The following CSMD3 variants were observed in gnomAD, a reference collection of about 807,000 sequenced individuals.
The protein encoded by CSMD3 is CUB and sushi domain-containing protein 3.
CSMD3 carries 177 observed loss-of-function variants against 435.2 expected under a neutral mutation model. The ratio of observed to expected loss-of-function variants is 0.41; its 90% CI spans 0.36 to 0.46. The LOEUF (loss-of-function observed/expected upper bound fraction) is 0.46, where lower values mean the gene tolerates loss of function less well. Among genes scored for constraint, CSMD3 ranks in the 20% least tolerant of loss-of-function variants. CSMD3 has a pLI of 0.34. For missense variants in CSMD3, 4,265 were observed against 4,504.6 expected (o/e 0.95, Z 1.52); for synonymous variants, 1,656 against 1,520.5 (o/e 1.09, Z -2.07).
chr8:112,634,107 T>A (rs1361674512), intron 22 of CSMD3, among the ~76,000 whole-genome samples: 3 of 151,954 alleles, frequency 2.0e-5, no homozygotes, highest in African/African-American at 7.2e-5. Context: ...TGTTAGGGTA[T>A]ATGAAATAAA....
chr8:113,038,984 A>C (rs1381195533), intron 5 of CSMD3, among the ~76,000 whole-genome samples: 1 of 152,154 alleles, frequency 6.6e-6, no homozygotes, highest in African/African-American at 2.4e-5. Flanking sequence ...TTCAGCCCAG[A>C]TATAATTTTT....
chr8:112,847,738 T>A (rs1212103736), intron 11 of CSMD3, among the ~76,000 whole-genome samples: 1 of 152,032 alleles, frequency 6.6e-6, no homozygotes, highest in Non-Finnish European at 1.5e-5. Flanking sequence ...TACCTATAAA[T>A]GGGCTGACTA....
chr8:112,804,599 G>A (rs1563977226), intron 12 of CSMD3, among the ~76,000 whole-genome samples: 1 of 152,090 alleles, frequency 6.6e-6, no homozygotes, highest in Non-Finnish European at 1.5e-5. Flanking sequence ...CTCAGATGTG[G>A]GAACTGATGA....
At chr8:113,327,171 C>A (rs565271108) in intron 1 of CSMD3, among the ~76,000 whole-genome samples, 1 of 152,252 alleles carries the variant, frequency 6.6e-6, no homozygotes, top group African/African-American at 2.4e-5. Context: ...TTTAATTGGG[C>A]AGCTGACATC....
chr8:112,861,662 T>G (rs1254608213), intron 10 of CSMD3, among the ~76,000 whole-genome samples: 1 of 151,946 alleles, frequency 6.6e-6, no homozygotes, highest in Non-Finnish European at 1.5e-5. Context: ...TCATAGCACA[T>G]TATTTGAACA....
At chr8:112,932,039 A>G (rs2083126059) in intron 9 of CSMD3, among the ~76,000 whole-genome samples, 2 of 152,172 alleles carry the variant, frequency 1.3e-5, no homozygotes, top group Non-Finnish European at 1.5e-5. Flanking sequence ...CAGTATGAAG[A>G]GTTCTCAAAA....
intron 64 of CSMD3, among the ~76,000 whole-genome samples, chr8:112,245,195 C>A (rs1814608124): frequency 1.3e-5 from 2 of 151,910 alleles, no homozygotes; most frequent in African/African-American, 4.8e-5. Context: ...TCACCTAACT[C>A]TCTCTCCTTT....
chr8:112,942,027 C>A (rs1233043796), intron 9 of CSMD3, among the ~76,000 whole-genome samples: 2 of 151,574 alleles, frequency 1.3e-5, no homozygotes, highest in African/African-American at 2.4e-5. Context: ...CACATAGTGT[C>A]ATTATTCACT....
chr8:113,262,973 A>G (rs1050874508), intron 3 of CSMD3, among the ~76,000 whole-genome samples: 1 of 152,040 alleles, frequency 6.6e-6, no homozygotes, highest in Non-Finnish European at 1.5e-5. Context: ...TTATGCAGCA[A>G]TATAAAACCA....
chr8:112,640,956 G>A (rs1280412114), intron 20 of CSMD3, among the ~76,000 whole-genome samples: 1 of 152,034 alleles, frequency 6.6e-6, no homozygotes, highest in Non-Finnish European at 1.5e-5. Flanking sequence ...TACATAGAAT[G>A]AATTATTTTA....
chr8:112,872,530 C>A (rs547596794), intron 10 of CSMD3, among the ~76,000 whole-genome samples: 1 of 151,910 alleles, frequency 6.6e-6, no homozygotes. Flanking sequence ...ATATAATGTA[C>A]AGATTTTTCA....
At chr8:112,328,048 C>T (rs937631329) in intron 45 of CSMD3, among the ~76,000 whole-genome samples, 1 of 152,178 alleles carries the variant, frequency 6.6e-6, no homozygotes, top group African/African-American at 2.4e-5. Flanking sequence ...AAGCACATAA[C>T]CTTTCTGCCA....
At chr8:112,846,091 T>C (rs1365510485) in intron 11 of CSMD3, among the ~76,000 whole-genome samples, 1 of 152,020 alleles carries the variant, frequency 6.6e-6, no homozygotes, top group Non-Finnish European at 1.5e-5. Flanking sequence ...TAAAAATGTG[T>C]TTTCATTATA....
intron 4 of CSMD3, among the ~76,000 whole-genome samples, chr8:113,166,881 T>C (rs2092160492): frequency 6.6e-6 from 1 of 152,130 alleles, no homozygotes; most frequent in African/African-American, 2.4e-5. Context: ...GTGAACATGA[T>C]AAAAATAACG....
At chr8:112,364,654 G>A (rs1012541104) in intron 38 of CSMD3, among the ~76,000 whole-genome samples, 1 of 151,912 alleles carries the variant, frequency 6.6e-6, no homozygotes, top group South Asian at 2.1e-4. Flanking sequence ...TTAATGCTGA[G>A]GCTTCACTAA....
At chr8:112,259,414 G>A (rs1816169000) in intron 61 of CSMD3, among the ~76,000 whole-genome samples, 1 of 152,004 alleles carries the variant, frequency 6.6e-6, no homozygotes, top group African/African-American at 2.4e-5. Context: ...CACAGGGAGG[G>A]GAACATCACA....
At position 112,241,770 on chromosome 8, in the gene CSMD3, A is replaced by G; in HGVS notation, c.10418T>C (p.Leu3473Ser). 1 of 1,612,228 alleles carries G rather than the reference A, an allele frequency of 6.2e-7. No homozygotes were observed. The highest frequency in any genetic ancestry group is 8.5e-7 in the Non-Finnish European group (1 of 1,178,516). Residue 3473 changes from leucine to serine, a missense_variant, in exon 66 of 71, where the codon TTG (leucine) becomes TCG (serine). By Grantham distance (145) the Leu-to-Ser change is moderately radical (BLOSUM62 -2). Coordinates refer to ENST00000297405, the MANE Select transcript of CSMD3 (RefSeq NM_198123.2). ...VPICEAGSKI[L>S]VKDPRPALGT... ...CAGTGCAGGTCTAGGATCTTTCACC[A>G]ATATTTTAGAACCAGCTATGAAAAG...
intron 31 of CSMD3, among the ~76,000 whole-genome samples, chr8:112,477,427 A>G (rs578249268): frequency 6.6e-6 from 1 of 152,126 alleles, no homozygotes; most frequent in African/African-American, 2.4e-5. Context: ...TATAGTTTGA[A>G]TGTTGGTGCC....
intron 10 of CSMD3, among the ~76,000 whole-genome samples, chr8:112,874,016 G>A (rs1302762143): frequency 6.6e-6 from 1 of 152,038 alleles, no homozygotes; most frequent in African/African-American, 2.4e-5. Flanking sequence ...GTCGATTTTA[G>A]ATCTTTCCTG....
Sources: gnomAD v4.1 joint callset for allele counts (sites outside exome capture counted in the v4.1 genomes callset) on GRCh38, gnomAD v4.1.1 for gene constraint, MANE v1.5 for transcripts, NCBI Gene and HGNC (gene_info 2026-07-23, HGNC 2026-07-21) for gene names.